The following ADGRD1 variants were observed in gnomAD, a reference collection of about 807,000 sequenced individuals.
ADGRD1 encodes the protein adhesion G protein-coupled receptor D1.
Under a neutral mutation model 113.4 loss-of-function variants are expected in ADGRD1, and 77 were observed. The observed-to-expected ratio is 0.68, with a 90% CI of 0.57 to 0.82. The LOEUF (loss-of-function observed/expected upper bound fraction) is 0.82, where lower values mean the gene tolerates loss of function less well. Among genes scored for constraint, ADGRD1 ranks in the 40% least tolerant of loss-of-function variants. The probability of loss-of-function intolerance (pLI) is 0.00; values close to 1 mark genes in which losing one functional copy is unlikely to be tolerated. For synonymous variants in ADGRD1, 474 were observed against 475.0 expected (o/e 1.00, Z 0.03); for missense variants, 1,036 against 1,139.1 (o/e 0.91, Z 1.30).
At chr12:130,972,249 C>T (rs1168671012) in intron 4 of ADGRD1, among the ~76,000 whole-genome samples, 1 of 152,182 alleles carries the variant, frequency 6.6e-6, no homozygotes, top group African/African-American at 2.4e-5. Flanking sequence ...TTGTTCTCTG[C>T]CTTCCAAACC....
chr12:131,077,440 C>T (rs916110651), intron 14 of ADGRD1, among the ~76,000 whole-genome samples: 2 of 152,362 alleles, frequency 1.3e-5, no homozygotes, highest in South Asian at 2.1e-4. Flanking sequence ...AGTCTCCTCC[C>T]GCCCTCCTAG....
chr12:131,105,225 G>T (rs1034000523), intron 16 of ADGRD1, among the ~76,000 whole-genome samples: 3 of 152,260 alleles, frequency 2.0e-5, no homozygotes, highest in Non-Finnish European at 4.4e-5. Context: ...GGGCCCGACT[G>T]TGCCCAAGAG....
At chr12:130,957,071 ATG>A (rs1565978700) in intron 2 of ADGRD1, 2 of 118,170 alleles carry the variant, frequency 1.7e-5, no homozygotes, top group African/African-American at 3.5e-5. Context: ...GCATCCACAC[ATG>A]TGTCCACACA....
chr12:131,101,385 T>C lies in ADGRD1; in HGVS notation c.1672-3446T>C, dbSNP rs1226562735. On this transcript the variant is annotated intron_variant, in intron 15 of 24. Coordinates refer to ENST00000261654, the MANE Select transcript of ADGRD1 (RefSeq NM_198827.5). Reference sequence around the variant, plus strand: ...TTTCTTTTTCTTTCTTTCTTTTTTTTTTTTTTTTTTTTTTTTTTTGAGATG... The same window carrying C: ...TTTCTTTTTCTTTCTTTCTTTTTTTCTTTTTTTTTTTTTTTTTTTGAGATG... Among the ~76,000 whole-genome samples the C allele has an allele frequency of 1.8e-3, 217 of 117,434 alleles. 2 individuals are homozygous for C. The highest frequency in any genetic ancestry group is 7.1e-3 in the African/African-American group (209 of 29,364). The allele number at this position is 117,434 out of a possible 152,430, so 77.0% of individuals were successfully genotyped here. A position where few individuals can be genotyped will look rare whatever the true frequency, so the allele number is the denominator to read the frequency against.
chr12:130,957,097 GAC>G (rs1262666214), intron 2 of ADGRD1: 1 of 152,198 alleles, frequency 6.6e-6, no homozygotes, highest in African/African-American at 2.4e-5. Context: ...CACATGTGTA[GAC>G]ACACATGCAC....
intron 12 of ADGRD1, among the ~76,000 whole-genome samples, chr12:131,013,928 G>T (rs1201606328): frequency 6.6e-6 from 1 of 152,214 alleles, no homozygotes; most frequent in African/African-American, 2.4e-5. Context: ...TCACCTCTTG[G>T]TCCTGGCGTC....
chr12:131,058,525 C>T (rs1439695584), intron 13 of ADGRD1, among the ~76,000 whole-genome samples: 1 of 152,170 alleles, frequency 6.6e-6, no homozygotes, highest in Non-Finnish European at 1.5e-5. Context: ...CTTTCCATTT[C>T]CAGAAATGTA....
At chr12:131,104,647 G>A (rs1370431826) in intron 15 of ADGRD1, among the ~76,000 whole-genome samples, 184 bp from the exon 16 acceptor site, 1 of 152,094 alleles carries the variant, frequency 6.6e-6, no homozygotes, top group Non-Finnish European at 1.5e-5. Context: ...ACAGAACCAG[G>A]GCTGCAACCC....
intron 8 of ADGRD1, among the ~76,000 whole-genome samples, chr12:130,996,607 G>A (rs1184506749): frequency 6.0e-5 from 7 of 116,592 alleles, no homozygotes; most frequent in South Asian, 2.8e-4. Context: ...AGGGGCGGCC[G>A]GGCAGAGGCG....
In ADGRD1 at chr12:131,136,288, A is replaced by ATGC. The variant is rs1566144431; in HGVS notation, c.2394+126_2394+128dup. On this transcript the variant is annotated intron_variant, in intron 22 of 24. Coordinates refer to ENST00000261654, the MANE Select transcript of ADGRD1 (RefSeq NM_198827.5). ...CCCGGCCACACCTTAGGAGCCTGTA[A>ATGC]TGCGGGGCATCCCCGAAGCCTGAGG... 3.4e-6 allele frequency: 4 copies of ATGC among 1,166,618 alleles called. No homozygotes were observed. The African/African-American group carries it at 6.1e-5, about 18-fold the overall frequency. The allele number at this position is 1,166,618 out of a possible 1,614,324, so 72.3% of individuals were successfully genotyped here.
chr12:130,954,325 C>A lies in ADGRD1; in HGVS notation c.-141C>A. The A allele has an allele frequency of 1.5e-6, 1 of 680,324 alleles. No homozygotes were observed. Among genetic ancestry groups the A allele is most frequent in the Non-Finnish European group, 2.4e-6 (1 of 413,264 alleles). The allele number at this position is 680,324 out of a possible 1,614,324, so 42.1% of individuals were successfully genotyped here. On this transcript the variant is annotated 5_prime_UTR_variant, in exon 1 of 25. Transcript: ENST00000261654. The surrounding 1 kb of genome is among the most constrained non-coding windows in gnomAD (Gnocchi z 4.7). ...AGGTCTCCAAGACAGCTGTGTTTCA[C>A]AAACTTTAAGGAGACAGAAATTTTC... is the stretch of plus-strand genomic sequence containing the variant.
chr12:131,117,843 C>T (rs148549139), intron 18 of ADGRD1, among the ~76,000 whole-genome samples: 8 of 152,364 alleles, frequency 5.3e-5, no homozygotes, highest in African/African-American at 9.6e-5. Context: ...ACCTTTCCAC[C>T]GCCGCTCTAG....
intron 20 of ADGRD1, among the ~76,000 whole-genome samples, chr12:131,129,827 C>A (rs1950865732): frequency 6.6e-6 from 1 of 152,246 alleles, no homozygotes; most frequent in Non-Finnish European, 1.5e-5. Context: ...ACTTGGGGCA[C>A]CTTCCATCTC....
intron 16 of ADGRD1, among the ~76,000 whole-genome samples, chr12:131,105,294 A>G (rs1277215688): frequency 6.6e-6 from 1 of 152,234 alleles, no homozygotes; most frequent in Non-Finnish European, 1.5e-5. Flanking sequence ...AAGCGAGAAC[A>G]AACATCTTCA....
rs11061269 is a variant in ADGRD1 at position 130,971,904 on chromosome 12, G to A, written c.310+324G>A. Among the ~76,000 whole-genome samples the A allele has an allele frequency of 0.073, 11,081 of 152,230 alleles. 775 individuals carry two copies. Among genetic ancestry groups the A allele is most frequent in the African/African-American group, 0.18 (7,630 of 41,494 alleles). Reference sequence around the variant, plus strand: ...AGTGGGGACTGGACAGGGCCGTGGCGTTTGTGGGAAGGAAATTGATGGCAT... The same window carrying A: ...AGTGGGGACTGGACAGGGCCGTGGCATTTGTGGGAAGGAAATTGATGGCAT... On this transcript the variant is annotated intron_variant, in intron 4 of 24. Coordinates refer to ENST00000261654, the MANE Select transcript of ADGRD1 (RefSeq NM_198827.5). The surrounding 1 kb of genome is among the most constrained non-coding windows in gnomAD (Gnocchi z 4.2).
At chr12:131,034,555 G>A (rs915593233) in intron 13 of ADGRD1, among the ~76,000 whole-genome samples, 4 of 152,246 alleles carry the variant, frequency 2.6e-5, no homozygotes, top group African/African-American at 9.6e-5. Context: ...GAGGCAGAGA[G>A]AGGGACAGAG....
intron 18 of ADGRD1, among the ~76,000 whole-genome samples, chr12:131,110,220 AC>A (rs1950320015): frequency 6.6e-6 from 1 of 152,194 alleles, no homozygotes; most frequent in Non-Finnish European, 1.5e-5. Context: ...GGGTGGATTC[AC>A]ATCAACAATT....
rs374696704 is a variant in ADGRD1, at chr12:130,971,282, T to TAATTA, written c.188-173_188-172insTAAAT. 0.064 allele frequency: 19,336 copies of TAATTA among 304,386 alleles called. 1,208 individuals are homozygous for TAATTA. The highest frequency in any genetic ancestry group is 0.21 in the African/African-American group (9,333 of 45,162). 18.9% of individuals were successfully genotyped at this position (304,386 alleles called of 1,614,324 possible). ...TAATAATTTACAATTTAATTACTAATAATATTACTGATGCTATGAATATTA... is the reference window on the plus strand; with the variant it reads ...TAATAATTTACAATTTAATTACTAATAATTAAATATTACTGATGCTATGAATATTA... On this transcript the variant is annotated intron_variant, in intron 3 of 24. Transcript: ENST00000261654. This position sits in a 1 kb window ranked among gnomAD's most constrained non-coding sequence, Gnocchi z 4.2.
chr12:131,115,324 T>C (rs752996458), intron 18 of ADGRD1, among the ~76,000 whole-genome samples: 6 of 152,130 alleles, frequency 3.9e-5, no homozygotes, highest in Non-Finnish European at 7.3e-5. Context: ...ATAAGACACA[T>C]GTCCCTTCTG....
Sources: gnomAD v4.1 joint callset for allele counts (sites outside exome capture counted in the v4.1 genomes callset) on GRCh38, gnomAD v4.1.1 for gene constraint, Gnocchi (gnomAD v3.1) non-coding constraint, MANE v1.5 for transcripts, NCBI Gene and HGNC (gene_info 2026-07-23, HGNC 2026-07-21) for gene names.